TMEM117: variants seen among roughly 807,000 people sequenced by gnomAD.
TMEM117 encodes the protein transmembrane protein 117.
TMEM117 carries 27 observed loss-of-function variants against 52.4 expected under a neutral mutation model. That is an observed-to-expected ratio of 0.51 (90% CI 0.38 to 0.71). TMEM117 has a LOEUF of 0.71. TMEM117 is among the 30% of genes least tolerant of loss of function. The pLI is 0.00. For synonymous variants in TMEM117, 215 were observed against 206.3 expected (o/e 1.04, Z -0.36); for missense variants, 556 against 630.5 (o/e 0.88, Z 1.26).
At chr12:44,220,876 CA>C (rs1949779561) in intron 5 of TMEM117, among the ~76,000 whole-genome samples, 1 of 152,086 alleles carries the variant, frequency 6.6e-6, no homozygotes, top group East Asian at 1.9e-4. Flanking sequence ...ATCAAGTACT[CA>C]TGAGTTCATA....
intron 3 of TMEM117, among the ~76,000 whole-genome samples, chr12:44,128,684 AC>A (rs1372451854): frequency 3.3e-5 from 5 of 152,112 alleles, no homozygotes; most frequent in Admixed American, 6.5e-5. Flanking sequence ...AGGCAAACAG[AC>A]CTTTAATTAC....
chr12:44,008,012 T>C (rs2137798988), intron 3 of TMEM117, among the ~76,000 whole-genome samples: 1 of 152,256 alleles, frequency 6.6e-6, no homozygotes, highest in Middle Eastern at 3.4e-3. Flanking sequence ...CAGCCATAAA[T>C]ACAGGCCTCC....
At chr12:44,181,759 T>C (rs1949203262) in intron 4 of TMEM117, among the ~76,000 whole-genome samples, 1 of 150,702 alleles carries the variant, frequency 6.6e-6, no homozygotes, top group African/African-American at 2.4e-5. Context: ...TACTGTAGCC[T>C]TGTAGTATAG....
intron 2 of TMEM117, among the ~76,000 whole-genome samples, chr12:43,924,539 A>G (rs80107150): frequency 6.6e-6 from 1 of 152,128 alleles, no homozygotes. Context: ...TGTGAAGGTT[A>G]TTTTCACAAA....
upstream of TMEM117, among the ~76,000 whole-genome samples, chr12:43,832,688 A>C (rs1592292214): frequency 2.0e-5 from 3 of 152,282 alleles, no homozygotes; most frequent in East Asian, 5.8e-4. Flanking sequence ...GGGAGGAAGT[A>C]TTATGTAAGA....
intron 3 of TMEM117, among the ~76,000 whole-genome samples, chr12:43,964,428 C>A (rs531137414): frequency 6.6e-6 from 1 of 152,174 alleles, no homozygotes; most frequent in Admixed American, 6.5e-5. Context: ...CCTAAAATTT[C>A]TCTTTCCTAC....
intron 6 of TMEM117, among the ~76,000 whole-genome samples, chr12:44,338,525 C>T (rs951539151): frequency 6.6e-6 from 1 of 151,580 alleles, no homozygotes; most frequent in Non-Finnish European, 1.5e-5. Flanking sequence ...CTGAAAGTAA[C>T]ATGTGTAAAA....
At chr12:44,335,160 G>T (rs1029101594) in intron 6 of TMEM117, among the ~76,000 whole-genome samples, 1 of 152,016 alleles carries the variant, frequency 6.6e-6, no homozygotes, top group Non-Finnish European at 1.5e-5. Context: ...CATGATGATT[G>T]TCAGTGGAAA....
chr12:43,834,458 G>C (rs1190030728), upstream of TMEM117, among the ~76,000 whole-genome samples: 1 of 152,114 alleles, frequency 6.6e-6, no homozygotes, highest in Non-Finnish European at 1.5e-5. Flanking sequence ...GGAGAAAAAA[G>C]AAGTTGCAAA....
chr12:44,019,924 A>G (rs1592446054), intron 3 of TMEM117, among the ~76,000 whole-genome samples: 1 of 152,186 alleles, frequency 6.6e-6, no homozygotes, highest in South Asian at 2.1e-4. Context: ...TTTAAACAGA[A>G]TGAAAGGTCT....
At chr12:43,906,519 G>T (rs147044899) in intron 2 of TMEM117, among the ~76,000 whole-genome samples, 15 of 151,814 alleles carry the variant, frequency 9.9e-5, no homozygotes, top group Admixed American at 3.9e-4. Context: ...GAACAGCTCC[G>T]GTCTACAGCT....
At chr12:44,392,056 T>TA (rs1565790184), downstream of TMEM117, among the ~76,000 whole-genome samples, 1 of 152,166 alleles carries the variant, frequency 6.6e-6, no homozygotes, top group East Asian at 1.9e-4. Context: ...CGTTTAAACA[T>TA]GTTTGTGTGC....
intron 6 of TMEM117, among the ~76,000 whole-genome samples, chr12:44,334,253 G>C (rs1371017188): frequency 6.6e-6 from 1 of 152,026 alleles, no homozygotes; most frequent in South Asian, 2.1e-4. Flanking sequence ...TGTATCTGCT[G>C]TGGAAATACT....
intron 5 of TMEM117, among the ~76,000 whole-genome samples, chr12:44,229,746 A>G (rs1049837459): frequency 2.0e-5 from 3 of 152,132 alleles, no homozygotes; most frequent in Non-Finnish European, 4.4e-5. Context: ...TTTGGGAGCC[A>G]TAATTAATCT....
chr12:43,893,385 T>G (rs1014097321), intron 2 of TMEM117, among the ~76,000 whole-genome samples: 6 of 152,174 alleles, frequency 3.9e-5, no homozygotes, highest in African/African-American at 1.2e-4. Context: ...CTTTAGTGCT[T>G]AAAAACTTAA....
chr12:44,375,171 T>C (rs1951924451), intron 6 of TMEM117, among the ~76,000 whole-genome samples: 1 of 152,150 alleles, frequency 6.6e-6, no homozygotes, highest in South Asian at 2.1e-4. Flanking sequence ...TCTACCTCCT[T>C]TAATGCATCT....
intron 5 of TMEM117, among the ~76,000 whole-genome samples, chr12:44,242,767 A>G (rs1347795680): frequency 6.7e-6 from 1 of 149,236 alleles, no homozygotes; most frequent in East Asian, 1.9e-4. Context: ...TATATTCTAT[A>G]TTCTGTATTA....
In TMEM117 at chr12:43,844,817, A is replaced by C. The variant is rs1346077565; in HGVS notation, c.166A>C (p.Asn56His). 1.2e-6 allele frequency: 2 copies of C among 1,614,194 alleles called. No individual in the cohort carries two copies. The highest frequency in any genetic ancestry group is 1.7e-6 in the Non-Finnish European group (2 of 1,180,024). Residue 56 changes from asparagine (N) to histidine (H), a missense_variant, in exon 2 of 8, where the codon AAT becomes CAT. Coordinates refer to ENST00000266534, the MANE Select transcript of TMEM117 (RefSeq NM_032256.3). Reference sequence around the variant, plus strand: ...TGGAAACTGTTTTTCATTTGTTACAAATAAATACCCTAGAGGAGTTGGCTG... The same window carrying C: ...TGGAAACTGTTTTTCATTTGTTACACATAAATACCCTAGAGGAGTTGGCTG... ...VVGNCFSFVTNKYPRGVGWRI... is the reference protein window; with the variant it reads ...VVGNCFSFVTHKYPRGVGWRI...
At chr12:44,356,625 T>C (rs1318893396) in intron 6 of TMEM117, among the ~76,000 whole-genome samples, 2 of 152,088 alleles carry the variant, frequency 1.3e-5, no homozygotes, top group Non-Finnish European at 2.9e-5. Context: ...CTGTATTTTG[T>C]TGTTGATGTT....
Sources: allele counts gnomAD v4.1 joint callset (sites outside exome capture counted in the v4.1 genomes callset), GRCh38; gene constraint gnomAD v4.1.1; transcripts MANE v1.5; gene names NCBI Gene and HGNC (gene_info 2026-07-23, HGNC 2026-07-21).